The following POLN variants were observed in gnomAD, a reference collection of about 807,000 sequenced individuals.
POLN encodes DNA polymerase nu.
Under a neutral mutation model 113.5 loss-of-function variants are expected in POLN, and 108 were observed. The ratio of observed to expected loss-of-function variants is 0.95; its 90% CI spans 0.81 to 1.12. The LOEUF (loss-of-function observed/expected upper bound fraction) is 1.12, where lower values mean the gene tolerates loss of function less well. Among genes scored for constraint, POLN ranks in the 50% most tolerant of loss-of-function variants. The probability of loss-of-function intolerance (pLI) is 0.00; values close to 1 mark genes in which losing one functional copy is unlikely to be tolerated. For missense variants in POLN, 1,097 were observed against 1,077.1 expected (o/e 1.02, Z -0.26); for synonymous variants, 386 against 391.5 (o/e 0.99, Z 0.17).
chr4:2,189,954 G>A (rs1733397239), intron 7 of POLN, among the ~76,000 whole-genome samples: 1 of 150,922 alleles, frequency 6.6e-6, no homozygotes, highest in African/African-American at 2.4e-5. Flanking sequence ...GAACCCAGGA[G>A]GTAGAGGTTG....
At chr4:2,195,954 T>C (rs895192134) in intron 6 of POLN, among the ~76,000 whole-genome samples, 2 of 152,118 alleles carry the variant, frequency 1.3e-5, no homozygotes, top group African/African-American at 4.8e-5. Context: ...AAGGGAAAGT[T>C]TGGGGGAGAA....
intron 2 of POLN, chr4:2,238,754 T>A (rs1273676616): frequency 6.2e-7 from 1 of 1,613,826 alleles, no homozygotes; most frequent in South Asian, 1.1e-5. Flanking sequence ...ACGATATATG[T>A]CCCGATGCTT....
In POLN at chr4:2,208,226, T is replaced by A; in HGVS notation, c.475A>T (p.Ile159Phe). The change falls in exon 5 of 26, where the codon ATT becomes TTT. Residue 159 changes from isoleucine (I) to phenylalanine (F), a missense_variant. Coordinates refer to ENST00000511885, the MANE Select transcript of POLN (RefSeq NM_181808.4). Reference sequence around the variant, plus strand: ...TTCTCTGACAAATTATTATATGTAATATGTTTTCTTTTAAGATTAATGCTT... The same window carrying A: ...TTCTCTGACAAATTATTATATGTAAAATGTTTTCTTTTAAGATTAATGCTT... Reference protein sequence around the residue: ...KGSINLKRKHITYNNLSEKTS... With the variant: ...KGSINLKRKHFTYNNLSEKTS... 1 of 1,591,386 alleles carries A rather than the reference T, an allele frequency of 6.3e-7. No individual in the cohort carries two copies. Among genetic ancestry groups the A allele is most frequent in the Non-Finnish European group, 8.6e-7 (1 of 1,161,440 alleles).
At chr4:2,225,517 G>C (rs944863788) in intron 3 of POLN, among the ~76,000 whole-genome samples, 1 of 151,176 alleles carries the variant, frequency 6.6e-6, no homozygotes, top group African/African-American at 2.4e-5. Flanking sequence ...TCGCACCACT[G>C]TACTCCAGCT....
Position 2,095,866 on chromosome 4 carries a change from C to A in POLN, c.2050G>T (p.Val684Leu), listed in dbSNP as rs759354070. The A allele has an allele frequency of 2.5e-6, 4 of 1,614,114 alleles. No homozygotes were observed. In the East Asian group the frequency reaches 8.9e-5, roughly 36 times the overall value. ...REQTKKVVYAVVYGAGKERLA... is the reference protein window; with the variant it reads ...REQTKKVVYALVYGAGKERLA... ...CGCAGCCTACCTGCTCCATAGACCA[C>A]CGCGTACACCACCTTCTTGGTTTGC... is the stretch of plus-strand genomic sequence containing the variant. The change falls in exon 20 of 26, where the codon GTG becomes TTG. Residue 684 changes from valine (V) to leucine (L), a missense_variant. Transcript: ENST00000511885.
intron 3 of POLN, among the ~76,000 whole-genome samples, chr4:2,216,393 G>T (rs1734113674): frequency 1.3e-5 from 2 of 152,176 alleles, no homozygotes; most frequent in Non-Finnish European, 1.5e-5. Context: ...CACAAACCAA[G>T]GACACTGCAC....
rs750321294 is a variant in POLN, at chr4:2,072,938, A to G, written c.2517+30T>C. 5.0e-6 allele frequency: 8 copies of G among 1,610,596 alleles called. No individual in the cohort carries two copies. In the South Asian group the frequency reaches 7.7e-5, roughly 15 times the overall value. Reference sequence around the variant, plus strand: ...GGCCTCCCCTCACCCTGGGCTCCGGAAGACCGGGCAGGCTTAAGTGTCCCC... The same window carrying G: ...GGCCTCCCCTCACCCTGGGCTCCGGGAGACCGGGCAGGCTTAAGTGTCCCC... On this transcript the variant is annotated intron_variant, in intron 25 of 25. Transcript: ENST00000511885.
chr4:2,128,586 G>A (rs996562809), intron 18 of POLN, among the ~76,000 whole-genome samples: 4 of 152,198 alleles, frequency 2.6e-5, no homozygotes, highest in African/African-American at 9.7e-5. Flanking sequence ...GAATGGCCTG[G>A]GCAAGGGCCT....
At chr4:2,101,334 T>C (rs548057863) in intron 19 of POLN, among the ~76,000 whole-genome samples, 14 of 152,210 alleles carry the variant, frequency 9.2e-5, no homozygotes, top group African/African-American at 2.9e-4. Context: ...CAAAATGCTA[T>C]GTAGACAATC....
At chr4:2,106,625 T>C (rs1044698424) in intron 19 of POLN, among the ~76,000 whole-genome samples, 5 of 152,204 alleles carry the variant, frequency 3.3e-5, no homozygotes, top group African/African-American at 1.2e-4. Context: ...CTCTTACAGA[T>C]GATTATTTAA....
rs1250377713 is a variant in POLN, at chr4:2,126,711, C to T, written c.1982+1402G>A. Among the ~76,000 whole-genome samples, 2 of 152,026 alleles carry T rather than the reference C, an allele frequency of 1.3e-5. No individual in the cohort carries two copies. The highest frequency in any genetic ancestry group is 2.9e-5 in the Non-Finnish European group (2 of 67,988). ...GCCCTGAGGAGACGCCGGGAGGGCC[C>T]ACTTGGATGAGGTAGGGGAGGGAGA... On this transcript the variant is annotated intron_variant, in intron 19 of 25. Coordinates refer to ENST00000511885, the MANE Select transcript of POLN (RefSeq NM_181808.4). This position sits in a 1 kb window ranked among gnomAD's most constrained non-coding sequence, Gnocchi z 4.6.
intron 13 of POLN, among the ~76,000 whole-genome samples, chr4:2,162,029 A>G (rs958996292): frequency 1.3e-5 from 2 of 152,172 alleles, no homozygotes; most frequent in African/African-American, 4.8e-5. Context: ...CAGACCACTC[A>G]GCTCTACCAA....
At chr4:2,144,425 G>A (rs1732083755) in intron 16 of POLN, among the ~76,000 whole-genome samples, 1 of 152,002 alleles carries the variant, frequency 6.6e-6, no homozygotes, top group South Asian at 2.1e-4. Context: ...TTACAGGTGT[G>A]AGCCACCGCC....
At chr4:2,189,532 G>A (rs371901821) in intron 7 of POLN, among the ~76,000 whole-genome samples, 36,784 of 150,706 alleles carry the variant, frequency 0.24, 6,934 homozygotes, top group African/African-American at 0.51. Context: ...CCAGCTACTT[G>A]GGAGGCTGAG....
chr4:2,208,484 G>C lies in POLN; in HGVS notation c.217C>G (p.Leu73Val), dbSNP rs1733913977. 1 of 1,524,542 alleles carries C rather than the reference G, an allele frequency of 6.6e-7. No individual in the cohort carries two copies. The highest frequency in any genetic ancestry group is 8.8e-7 in the Non-Finnish European group (1 of 1,139,882). 94.4% of individuals were successfully genotyped at this position (1,524,542 alleles called of 1,614,324 possible). A position where few individuals can be genotyped will look rare whatever the true frequency, so the allele number is the denominator to read the frequency against. Residue 73 changes from leucine to valine, a missense_variant, in exon 5 of 26, where the codon CTT (leucine) becomes GTT (valine). Leu to Val is a conservative substitution (Grantham distance 32). Transcript: ENST00000511885. The part of the protein sequence containing the change: ...RKTQSPEKKD[L>V]KSLRSQTSRG... ...GATGTCTGACTTCTTAAAGATTTAAGATCCTACAGAAAAATGGAAAATATT... is the reference window on the plus strand; with the variant it reads ...GATGTCTGACTTCTTAAAGATTTAACATCCTACAGAAAAATGGAAAATATT...
intron 23 of POLN, 61 bp from the exon 24 acceptor site, chr4:2,075,580 C>A (rs1730255934): frequency 1.3e-6 from 2 of 1,581,702 alleles, no homozygotes; most frequent in Non-Finnish European, 1.7e-6. Context: ...GGCCACCAGC[C>A]TGGCAGGGAG....
At chr4:2,143,927 G>C (rs1051958122) in intron 16 of POLN, among the ~76,000 whole-genome samples, 1 of 151,994 alleles carries the variant, frequency 6.6e-6, no homozygotes, top group African/African-American at 2.4e-5. Context: ...CCCAAAACTG[G>C]AAACAACCCA....
intron 19 of POLN, among the ~76,000 whole-genome samples, chr4:2,121,448 A>ATATATATAT (rs201923056): frequency 1.2e-4 from 15 of 124,804 alleles, no homozygotes; most frequent in Non-Finnish European, 2.4e-4. Flanking sequence ...AAAAAAAAAA[A>ATATATATAT]AAAAATATAT....
At chr4:2,120,659 A>G (rs1387244468) in intron 19 of POLN, among the ~76,000 whole-genome samples, 1 of 151,942 alleles carries the variant, frequency 6.6e-6, no homozygotes. Flanking sequence ...ACAACCGGCT[A>G]ATTTTTTGTA....
Sources: gnomAD v4.1 joint callset for allele counts (sites outside exome capture counted in the v4.1 genomes callset) on GRCh38, gnomAD v4.1.1 for gene constraint, Gnocchi (gnomAD v3.1) non-coding constraint, MANE v1.5 for transcripts, NCBI Gene and HGNC (gene_info 2026-07-23, HGNC 2026-07-21) for gene names.